OTUB2: variants seen among roughly 807,000 people sequenced by gnomAD.
OTUB2 encodes OTU deubiquitinase, ubiquitin aldehyde binding 2, also known as ubiquitin thioesterase OTUB2.
OTUB2 carries 21 observed loss-of-function variants against 25.1 expected under a neutral mutation model. That is an observed-to-expected ratio of 0.84 (90% confidence interval 0.59 to 1.21). The LOEUF (loss-of-function observed/expected upper bound fraction) is 1.21. Among genes scored for constraint, OTUB2 ranks in the 50% most tolerant of loss-of-function variants. The pLI is 0.00. For missense variants in OTUB2, 283 were observed against 298.0 expected, an observed-to-expected ratio of 0.95 and a Z score of 0.37; for synonymous variants, 122 against 122.8, an observed-to-expected ratio of 0.99 and a Z score of 0.04.
At chr14:94,042,544 T>C (rs1885183962) in intron 3 of OTUB2, among the ~76,000 whole-genome samples, 1 of 152,170 alleles carries the variant, frequency 6.6e-6, no homozygotes, top group African/African-American at 2.4e-5. Context: ...TTCATGGCCA[T>C]GCAGGGACAG....
intron 1 of OTUB2, among the ~76,000 whole-genome samples, chr14:94,031,844 A>G (rs974065470): frequency 1.3e-5 from 2 of 152,240 alleles, no homozygotes; most frequent in Non-Finnish European, 2.9e-5. Context: ...ACCAGCAATT[A>G]AAGGGCTAAA....
At chr14:94,037,307 G>T in intron 1 of OTUB2, 73 bp from the exon 2 acceptor site, 2 of 1,072,866 alleles carry the variant, frequency 1.9e-6, no homozygotes, top group South Asian at 2.8e-5. Flanking sequence ...GCAGTTCAGA[G>T]GCCACCAGCT....
At chr14:94,028,144 C>T (rs1884897318) in intron 1 of OTUB2, among the ~76,000 whole-genome samples, 1 of 152,232 alleles carries the variant, frequency 6.6e-6, no homozygotes, top group Non-Finnish European at 1.5e-5. Context: ...CCTCACCCCT[C>T]ACCGGGGGCT....
intron 3 of OTUB2, among the ~76,000 whole-genome samples, chr14:94,041,913 T>A (rs1885168631): frequency 7.3e-6 from 1 of 137,492 alleles, no homozygotes; most frequent in Non-Finnish European, 1.6e-5. Context: ...GATTGACTCG[T>A]GAGCACTTGG....
intron 5 of OTUB2, 98 bp downstream of exon 5, chr14:94,044,878 C>A: frequency 8.1e-7 from 1 of 1,242,052 alleles, no homozygotes; most frequent in South Asian, 1.5e-5. Context: ...ACTCGGGTGT[C>A]ACGACTGCCC....
intron 1 of OTUB2, among the ~76,000 whole-genome samples, chr14:94,028,934 C>G (rs971920826): frequency 2.0e-5 from 3 of 151,816 alleles, no homozygotes. Flanking sequence ...TTGGCGGGTG[C>G]GGGGGGACAG....
chr14:94,038,696 C>T (rs1391500583), intron 2 of OTUB2, among the ~76,000 whole-genome samples: 2 of 152,240 alleles, frequency 1.3e-5, no homozygotes, highest in African/African-American at 4.8e-5. Flanking sequence ...CCAGGCACTC[C>T]TGTCCCCTCA....
rs1398498580 is a variant in OTUB2, at chr14:94,048,469, C to G, written c.*2547C>G. The G allele has an allele frequency of 6.6e-6, 1 of 152,198 alleles. No homozygotes were observed. Among genetic ancestry groups the G allele is most frequent in the East Asian group, 1.9e-4 (1 of 5,206 alleles). The allele number at this position is 152,198 out of a possible 1,614,324, so 9.4% of individuals were successfully genotyped here. ...TCTAACTTCAGCATTCACTTACTAG[C>G]TGTATGATCTTGGCCAAGTCACTTC... On this transcript the variant is annotated 3_prime_UTR_variant, in exon 6 of 6. Coordinates refer to ENST00000203664, the MANE Select transcript of OTUB2 (RefSeq NM_023112.4).
chr14:94,032,981 G>A (rs201573635), intron 1 of OTUB2, among the ~76,000 whole-genome samples: 3 of 152,156 alleles, frequency 2.0e-5, no homozygotes, highest in Non-Finnish European at 2.9e-5. Context: ...GTGCGGTCAC[G>A]GCTCACTGCA....
chr14:94,045,254 C>T (rs2141415349), intron 5 of OTUB2, among the ~76,000 whole-genome samples: 1 of 152,302 alleles, frequency 6.6e-6, no homozygotes, highest in Non-Finnish European at 1.5e-5. Flanking sequence ...CATACGCCTG[C>T]TTGCCACCGC....
chr14:94,031,016 T>C (rs958229340), intron 1 of OTUB2, among the ~76,000 whole-genome samples: 1 of 152,188 alleles, frequency 6.6e-6, no homozygotes, highest in African/African-American at 2.4e-5. Flanking sequence ...GACACTAAGT[T>C]TGTGCTCCTT....
At position 94,045,418 on chromosome 14, in the gene OTUB2, C is replaced by A. The variant is rs149880976; in HGVS notation, c.499-298C>A. ...GATGCCCAACCTGAAAAATGTCTGCCCCCCGTTTCCAGATCCCTCTAAATT... is the reference window on the plus strand; with the variant it reads ...GATGCCCAACCTGAAAAATGTCTGCACCCCGTTTCCAGATCCCTCTAAATT... On this transcript the variant is annotated intron_variant, in intron 5 of 5. Coordinates refer to ENST00000203664, the MANE Select transcript of OTUB2 (RefSeq NM_023112.4). 5.5e-4 allele frequency among the ~76,000 whole-genome samples: 83 copies of A among 152,292 alleles called. 2 individuals carry two copies. Among genetic ancestry groups the A allele is most frequent in the African/African-American group, 2.0e-3 (82 of 41,552 alleles).
intron 1 of OTUB2, among the ~76,000 whole-genome samples, chr14:94,028,037 A>G (rs1884895702): frequency 6.6e-6 from 1 of 152,192 alleles, no homozygotes; most frequent in South Asian, 2.1e-4. Context: ...CAGAGGCGGT[A>G]GCTGCTCTTT....
At chr14:94,027,867 G>A (rs1326194511) in intron 1 of OTUB2, among the ~76,000 whole-genome samples, 1 of 152,224 alleles carries the variant, frequency 6.6e-6, no homozygotes, top group Non-Finnish European at 1.5e-5. Flanking sequence ...TCCACTTGGT[G>A]CCCAAGGGTT....
In OTUB2 at chr14:94,044,624, A is replaced by C; in HGVS notation, c.342A>C (p.Ser114=). Residue 114 remains serine (S), a synonymous_variant, in exon 5 of 6, where the codon TCA becomes TCC. Transcript: ENST00000203664. ...SVVELVEKDG[S]VSSLLKVFND... ...TGGAACTGGTAGAGAAGGATGGCTC[A>C]GTGTCCAGCCTGCTGAAGGTGTTCA... 6.2e-7 allele frequency: 1 copy of C among 1,614,154 alleles called. No individual in the cohort carries two copies. Among genetic ancestry groups the C allele is most frequent in the Non-Finnish European group, 8.5e-7 (1 of 1,180,006 alleles).
intron 1 of OTUB2, among the ~76,000 whole-genome samples, chr14:94,030,639 T>A (rs1430291619): frequency 6.6e-6 from 1 of 152,102 alleles, no homozygotes; most frequent in Admixed American, 6.5e-5. Context: ...AGAAGGGACA[T>A]GTAGCAGGCT....
rs1170049439 is a variant in OTUB2 at position 94,047,125 on chromosome 14, G to C, written c.*1203G>C. On this transcript the variant is annotated 3_prime_UTR_variant, in exon 6 of 6. Transcript: ENST00000203664. ...CCCTGGCTGGGCAGAGGTGCTGCTAGCAACCTCTCTTCCTCTATAAGAGGA... is the reference window on the plus strand; with the variant it reads ...CCCTGGCTGGGCAGAGGTGCTGCTACCAACCTCTCTTCCTCTATAAGAGGA... The C allele has an allele frequency of 6.6e-6, 1 of 152,194 alleles. No homozygotes were observed. The highest frequency in any genetic ancestry group is 2.4e-5 in the African/African-American group (1 of 41,456). 9.4% of individuals were successfully genotyped at this position (152,194 alleles called of 1,614,324 possible). A position where few individuals can be genotyped will look rare whatever the true frequency, so the allele number is the denominator to read the frequency against.
intron 3 of OTUB2, among the ~76,000 whole-genome samples, chr14:94,039,827 G>A (rs1885125195): frequency 6.6e-6 from 1 of 152,118 alleles, no homozygotes; most frequent in African/African-American, 2.4e-5. Context: ...AGAGGCTTTG[G>A]TGAGGGCCAT....
chr14:94,040,520 G>A (rs1885140363), intron 3 of OTUB2, among the ~76,000 whole-genome samples: 1 of 152,212 alleles, frequency 6.6e-6, no homozygotes, highest in Non-Finnish European at 1.5e-5. Context: ...TGTGGAAGGT[G>A]GACATTATAA....
Sources: gnomAD v4.1 joint callset for allele counts (sites outside exome capture counted in the v4.1 genomes callset) on GRCh38, gnomAD v4.1.1 for gene constraint, MANE v1.5 for transcripts, NCBI Gene and HGNC (gene_info 2026-07-23, HGNC 2026-07-21) for gene names.